Variants in AKAP6 observed in about 807,000 individuals in gnomAD.
AKAP6 encodes A-kinase anchor protein 6.
Under a neutral mutation model 188.5 loss-of-function variants are expected in AKAP6, and 58 were observed. The observed-to-expected ratio is 0.31, with a 90% confidence interval of 0.25 to 0.38. The LOEUF is 0.38. Ranked by LOEUF, AKAP6 falls within the 10% of genes least tolerant of loss-of-function variation. AKAP6 has a pLI of 1.00. For synonymous variants in AKAP6, 989 were observed against 998.6 expected, an observed-to-expected ratio of 0.99 and a Z score of 0.18; for missense variants, 2,710 against 2,740.0, an observed-to-expected ratio of 0.99 and a Z score of 0.24.
Position 32,546,628 on chromosome 14 carries a change from A to G in AKAP6, c.1975A>G (p.Arg659Gly). Reference protein sequence around the residue: ...NLTKLLPQKPRGETIQNIDDW... With the variant: ...NLTKLLPQKPGGETIQNIDDW... Reference sequence around the variant, plus strand: ...AACAAAGCTTCTGCCTCAGAAACCCAGAGGAGAAACCATCCAGAATATTGA... The same window carrying G: ...AACAAAGCTTCTGCCTCAGAAACCCGGAGGAGAAACCATCCAGAATATTGA... The change falls in exon 4 of 14, where the codon AGA (arginine) becomes GGA (glycine). Residue 659 changes from arginine to glycine, a missense_variant. By Grantham distance (125) the Arg-to-Gly change is moderately radical. Transcript: ENST00000280979. 1 of 1,614,184 alleles carries G rather than the reference A, an allele frequency of 6.2e-7. No individual in the cohort carries two copies. Among genetic ancestry groups the G allele is most frequent in the Non-Finnish European group, 8.5e-7 (1 of 1,180,016 alleles).
intron 2 of AKAP6, among the ~76,000 whole-genome samples, chr14:32,511,453 G>A (rs1396658141): frequency 6.7e-6 from 1 of 148,254 alleles, no homozygotes; most frequent in Non-Finnish European, 1.5e-5. Context: ...TCAGCTCACT[G>A]CAACCTCCAC....
intron 1 of AKAP6, among the ~76,000 whole-genome samples, chr14:32,420,373 C>T (rs1179114093): frequency 1.3e-5 from 2 of 152,068 alleles, no homozygotes; most frequent in East Asian, 3.9e-4. Flanking sequence ...TAGGTATGCA[C>T]TTGCACATGC....
At chr14:32,734,023 T>G (rs2031304411) in intron 10 of AKAP6, 1 of 152,164 alleles carries the variant, frequency 6.6e-6, no homozygotes, top group South Asian at 2.1e-4. Context: ...GTCAACATTA[T>G]TTTGAAAAAA....
At chr14:32,610,071 ATAGTT>A (rs1886292615) in intron 7 of AKAP6, among the ~76,000 whole-genome samples, 2 of 152,296 alleles carry the variant, frequency 1.3e-5, no homozygotes, top group South Asian at 4.1e-4. Context: ...CGGGCTTACT[ATAGTT>A]TAGGTTCATG....
Position 32,818,403 on chromosome 14 carries a change from A to G in AKAP6, c.3589-2999A>G, listed in dbSNP as rs555089884. Among the ~76,000 whole-genome samples, 7 of 152,264 alleles carry G rather than the reference A, an allele frequency of 4.6e-5. No individual in the cohort carries two copies. The South Asian group carries it at 1.4e-3, about 32-fold the overall frequency. On this transcript the variant is annotated intron_variant, in intron 12 of 13. Coordinates refer to ENST00000280979, the MANE Select transcript of AKAP6 (RefSeq NM_004274.5). ...TGATATAAAATGGTTTATTATTTGC[A>G]TATAACCTACAGTCATCCTCTCTCT...
In AKAP6 at chr14:32,454,718, T is replaced by TCC. The variant is rs1372161078; in HGVS notation, c.324+20902_324+20903insCC. On this transcript the variant is annotated intron_variant, in intron 2 of 13. Coordinates refer to ENST00000280979, the MANE Select transcript of AKAP6 (RefSeq NM_004274.5). ...CTCCCTCCCTCCCTCCTTCCCTCCT[T>TCC]CTCTCCTTCCCTCCTTCCCTCCCTC... is the stretch of plus-strand genomic sequence containing the variant. 2.2e-4 allele frequency among the ~76,000 whole-genome samples: 6 copies of TCC among 27,598 alleles called. 1 individual carries two copies. Among genetic ancestry groups the TCC allele is most frequent in the Non-Finnish European group, 3.0e-4 (4 of 13,260 alleles). 18.1% of individuals were successfully genotyped at this position (27,598 alleles called of 152,430 possible).
At chr14:32,703,174 G>C (rs1890683556) in intron 9 of AKAP6, among the ~76,000 whole-genome samples, 1 of 152,118 alleles carries the variant, frequency 6.6e-6, no homozygotes, top group Non-Finnish European at 1.5e-5. Context: ...GGCAGAGTGG[G>C]AAGAAGGCGG....
At chr14:32,360,568 A>AT (rs1887623117) in intron 1 of AKAP6, among the ~76,000 whole-genome samples, 1 of 151,916 alleles carries the variant, frequency 6.6e-6, no homozygotes, top group Non-Finnish European at 1.5e-5. Context: ...TCTGTAAGGA[A>AT]TTTTTTCACT....
At chr14:32,531,824 CT>C (rs1418982469) in intron 2 of AKAP6, among the ~76,000 whole-genome samples, 1 of 152,158 alleles carries the variant, frequency 6.6e-6, no homozygotes. Flanking sequence ...TAGTGGTTCA[CT>C]TTTTAAAAAA....
At chr14:32,565,576 C>A (rs116549410) in intron 4 of AKAP6, among the ~76,000 whole-genome samples, 1,565 of 152,304 alleles carry the variant, frequency 0.01, 17 homozygotes, top group African/African-American at 0.023. Flanking sequence ...CTGCTCTCAG[C>A]CTTTCAACTG....
intron 6 of AKAP6, among the ~76,000 whole-genome samples, chr14:32,599,831 A>G (rs1388466596): frequency 6.6e-6 from 1 of 152,192 alleles, no homozygotes; most frequent in Non-Finnish European, 1.5e-5. Context: ...AAGACAATGA[A>G]TGAGAACTGT....
chr14:32,638,512 T>C (rs1383781344), intron 7 of AKAP6, among the ~76,000 whole-genome samples: 2 of 152,282 alleles, frequency 1.3e-5, no homozygotes, highest in South Asian at 2.1e-4. Context: ...AATCAGGAGA[T>C]GATTGCATAT....
At chr14:32,614,171 CTTG>C (rs1267402223) in intron 7 of AKAP6, among the ~76,000 whole-genome samples, 2 of 152,074 alleles carry the variant, frequency 1.3e-5, no homozygotes, top group Admixed American at 1.3e-4. Context: ...AGTGTTCTTC[CTTG>C]TTATTATTTT....
rs773833035 is a variant in AKAP6, at chr14:32,829,980, T to C, written c.*175T>C. 8 of 702,688 alleles carry C rather than the reference T, an allele frequency of 1.1e-5. No homozygotes were observed. The South Asian group carries it at 1.2e-4, about 10-fold the overall frequency. 43.5% of individuals were successfully genotyped at this position (702,688 alleles called of 1,614,324 possible). A position where few individuals can be genotyped will look rare whatever the true frequency, so the allele number is the denominator to read the frequency against. On this transcript the variant is annotated 3_prime_UTR_variant, in exon 14 of 14. Transcript: ENST00000280979. Reference sequence around the variant, plus strand: ...GAATCTTCCTTCCAAATGTGTTTTCTCCACACAAGCCTTGTGATCTGAATG... The same window carrying C: ...GAATCTTCCTTCCAAATGTGTTTTCCCCACACAAGCCTTGTGATCTGAATG...
chr14:32,458,739 A>G (rs770687319), intron 2 of AKAP6, among the ~76,000 whole-genome samples: 5 of 152,178 alleles, frequency 3.3e-5, no homozygotes, highest in Admixed American at 2.6e-4. Flanking sequence ...AAGCTATGAA[A>G]TAAAAACATG....
At chr14:32,818,800 T>C (rs940042196) in intron 12 of AKAP6, among the ~76,000 whole-genome samples, 1 of 152,166 alleles carries the variant, frequency 6.6e-6, no homozygotes, top group African/African-American at 2.4e-5. Flanking sequence ...TTCCCGCTTC[T>C]CCATGTGAGC....
intron 2 of AKAP6, among the ~76,000 whole-genome samples, chr14:32,510,402 A>ATGTGTATATATATATG (rs1555335122): frequency 7.7e-6 from 1 of 129,172 alleles, no homozygotes; most frequent in African/African-American, 3.1e-5. Context: ...GTGTATATAT[A>ATGTGTATATATATATG]TGTATATATA....
chr14:32,344,633 G>A (rs774669573), intron 1 of AKAP6, among the ~76,000 whole-genome samples: 6 of 152,106 alleles, frequency 3.9e-5, no homozygotes, highest in African/African-American at 7.2e-5. Context: ...TACATAAGGA[G>A]GCCTGGACGC....
intron 12 of AKAP6, among the ~76,000 whole-genome samples, chr14:32,792,456 G>A (rs949497824): frequency 1.3e-5 from 2 of 152,092 alleles, no homozygotes; most frequent in African/African-American, 4.8e-5. Flanking sequence ...TGTGATTTTT[G>A]CACATTGATT....
Sources: gnomAD v4.1 joint callset for allele counts (sites outside exome capture counted in the v4.1 genomes callset) on GRCh38, gnomAD v4.1.1 for gene constraint, MANE v1.5 for transcripts, NCBI Gene and HGNC (gene_info 2026-07-23, HGNC 2026-07-21) for gene names.